SLC7A2: variants seen among roughly 807,000 people sequenced by gnomAD.
The protein encoded by SLC7A2 is solute carrier family 7 member 2, also known as cationic amino acid transporter 2.
SLC7A2 carries 48 observed loss-of-function variants against 58.9 expected under a neutral mutation model. The ratio of observed to expected loss-of-function variants is 0.82; its 90% CI spans 0.65 to 1.04. The LOEUF is 1.04. Ranked by LOEUF, SLC7A2 falls within the 50% of genes least tolerant of loss-of-function variation. The pLI, the probability that SLC7A2 is intolerant of heterozygous loss-of-function variation, is 0.00. For synonymous variants in SLC7A2, 363 were observed against 314.5 expected, an observed-to-expected ratio of 1.15 and a Z score of -1.63; for missense variants, 1,029 against 818.8, an observed-to-expected ratio of 1.26 and a Z score of -3.13.
At chr8:17,561,113 TC>T (rs1484513635) in intron 10 of SLC7A2, among the ~76,000 whole-genome samples, 1 of 152,134 alleles carries the variant, frequency 6.6e-6, no homozygotes, top group Non-Finnish European at 1.5e-5. Context: ...GACTTGATGG[TC>T]AGAGATGGGG....
At chr8:17,536,765 T>C (rs941356995) in intron 2 of SLC7A2, among the ~76,000 whole-genome samples, 4 of 152,084 alleles carry the variant, frequency 2.6e-5, no homozygotes. Context: ...AGGTAGCAGA[T>C]TGGAAGAGTT....
chr8:17,564,912 A>G (rs746729365), intron 12 of SLC7A2, 38 bp from the exon 13 acceptor site: 1 of 1,486,302 alleles, frequency 6.7e-7, no homozygotes, highest in Non-Finnish European at 9.1e-7. Context: ...TTTCTGACAT[A>G]CCTGAAACAT....
At chr8:17,495,847 G>A (rs995815884), upstream of SLC7A2, among the ~76,000 whole-genome samples, 5 of 152,050 alleles carry the variant, frequency 3.3e-5, no homozygotes, top group East Asian at 9.7e-4. Flanking sequence ...ACCACCCCCA[G>A]CCTACACTTT....
At chr8:17,521,389 G>T (rs1858714) in intron 2 of SLC7A2, among the ~76,000 whole-genome samples, 113,177 of 152,094 alleles carry the variant, frequency 0.74, 42,555 homozygotes, top group South Asian at 0.83. Flanking sequence ...TACGTCAGAT[G>T]AATTTGGCAG....
rs1024205683 is a variant in SLC7A2, at chr8:17,550,361, C to T, written c.759C>T (p.Gly253=). ...IYGAGGFMPY[G]FTGTLAGAAT... ...GGGCTGGTGGCTTTATGCCTTATGG[C>T]TTTACGGGAACGTTGGCTGGTGCTG... The change falls in exon 6 of 13, where the codon GGC becomes GGT. Residue 253 remains glycine, a synonymous_variant. Coordinates refer to ENST00000494857, the MANE Select transcript of SLC7A2 (RefSeq NM_001370338.1). 2.9e-5 allele frequency: 47 copies of T among 1,613,934 alleles called. No individual in the cohort carries two copies. Among genetic ancestry groups the T allele is most frequent in the Non-Finnish European group, 3.1e-5 (37 of 1,179,950 alleles).
chr8:17,561,710 G>T (rs77336202), intron 10 of SLC7A2, among the ~76,000 whole-genome samples: 2 of 152,168 alleles, frequency 1.3e-5, no homozygotes, highest in Non-Finnish European at 2.9e-5. Flanking sequence ...TAGGAGGGGC[G>T]GTTGGTTCTA....
At chr8:17,543,030 G>T (rs981912805) in intron 2 of SLC7A2, among the ~76,000 whole-genome samples, 8 of 152,074 alleles carry the variant, frequency 5.3e-5, no homozygotes, top group African/African-American at 1.7e-4. Flanking sequence ...ATCACCCAAG[G>T]CTGCTATATT....
intron 2 of SLC7A2, among the ~76,000 whole-genome samples, 185 bp from the exon 3 acceptor site, chr8:17,543,133 G>T (rs1274221545): frequency 6.6e-6 from 1 of 151,868 alleles, no homozygotes; most frequent in African/African-American, 2.4e-5. Context: ...CGAGGCTCTG[G>T]TTATTAAACC....
intron 2 of SLC7A2, among the ~76,000 whole-genome samples, chr8:17,506,596 CTT>C (rs1800373520): frequency 6.6e-6 from 1 of 152,150 alleles, no homozygotes; most frequent in African/African-American, 2.4e-5. Flanking sequence ...TTAGAACGCT[CTT>C]TTTATAGGTT....
At chr8:17,508,553 A>G (rs1800468381) in intron 2 of SLC7A2, among the ~76,000 whole-genome samples, 2 of 152,036 alleles carry the variant, frequency 1.3e-5, no homozygotes, top group Admixed American at 6.6e-5. Flanking sequence ...GCGAAACCAC[A>G]TCTCTACTAA....
chr8:17,532,824 A>G (rs1801513515), intron 2 of SLC7A2, among the ~76,000 whole-genome samples: 1 of 152,226 alleles, frequency 6.6e-6, no homozygotes. Flanking sequence ...TTTTAAAAAT[A>G]TATCCATATA....
chr8:17,504,415 T>A (rs1409098554), intron 2 of SLC7A2, among the ~76,000 whole-genome samples: 2 of 152,238 alleles, frequency 1.3e-5, no homozygotes, highest in African/African-American at 2.4e-5. Flanking sequence ...AAGTCTTGTA[T>A]TGCAGTGATA....
rs970666753 is a variant in SLC7A2, at chr8:17,547,471, A to G, written c.533-1207A>G. On this transcript the variant is annotated intron_variant, in intron 4 of 12. Transcript: ENST00000494857. Reference sequence around the variant, plus strand: ...CAGCCAAATCATATAATCAATATGAATAGAATATCCTAATAGAAAAAATAG... The same window carrying G: ...CAGCCAAATCATATAATCAATATGAGTAGAATATCCTAATAGAAAAAATAG... Among the ~76,000 whole-genome samples the G allele has an allele frequency of 2.6e-5, 4 of 152,188 alleles. No homozygotes were observed. The East Asian group carries it at 7.7e-4, about 29-fold the overall frequency.
rs1802383778 is a variant in SLC7A2, at chr8:17,550,281, G to A, written c.699-20G>A. On this transcript the variant is annotated intron_variant, in intron 5 of 12. Coordinates refer to ENST00000494857, the MANE Select transcript of SLC7A2 (RefSeq NM_001370338.1). Reference sequence around the variant, plus strand: ...TTTTCTGTCAAAGTGACTTTCCAATGTGTTTGTTCTCTTTCTTAGAGAGCC... The same window carrying A: ...TTTTCTGTCAAAGTGACTTTCCAATATGTTTGTTCTCTTTCTTAGAGAGCC... 6.2e-7 allele frequency: 1 copy of A among 1,611,634 alleles called. No individual in the cohort carries two copies. Among genetic ancestry groups the A allele is most frequent in the African/African-American group, 1.3e-5 (1 of 74,808 alleles).
intron 2 of SLC7A2, among the ~76,000 whole-genome samples, chr8:17,507,693 A>C (rs1010975805): frequency 6.6e-6 from 1 of 152,238 alleles, no homozygotes; most frequent in African/African-American, 2.4e-5. Context: ...AAAAGAAAAA[A>C]TACAAATGAG....
chr8:17,560,901 G>C (rs541511067), intron 10 of SLC7A2, among the ~76,000 whole-genome samples: 1 of 152,254 alleles, frequency 6.6e-6, no homozygotes, highest in South Asian at 2.1e-4. Flanking sequence ...ATCCTTGTTT[G>C]TTTACCCACA....
Position 17,504,963 on chromosome 8 carries a change from G to A in SLC7A2, c.-23+2661G>A, listed in dbSNP as rs182443058. ...TCTGCTGGCCATTCTGTTTACATTCGTGCCTCTGTGGGAAAGAAGAACTCT... is the reference window on the plus strand; with the variant it reads ...TCTGCTGGCCATTCTGTTTACATTCATGCCTCTGTGGGAAAGAAGAACTCT... On this transcript the variant is annotated intron_variant, in intron 2 of 12. Transcript: ENST00000494857. Among the ~76,000 whole-genome samples, 199 of 152,118 alleles carry A rather than the reference G, an allele frequency of 1.3e-3. 1 individual carries two copies. The highest frequency in any genetic ancestry group is 3.8e-3 in the African/African-American group (156 of 41,508).
At chr8:17,504,412 G>A (rs1170881229) in intron 2 of SLC7A2, among the ~76,000 whole-genome samples, 2 of 152,148 alleles carry the variant, frequency 1.3e-5, no homozygotes, top group Non-Finnish European at 2.9e-5. Flanking sequence ...TTAAAGTCTT[G>A]TATTGCAGTG....
chr8:17,560,231 A>C (rs1248544732), intron 9 of SLC7A2, 97 bp from the exon 10 acceptor site: 1 of 820,654 alleles, frequency 1.2e-6, no homozygotes, highest in Non-Finnish European at 2.1e-6. Flanking sequence ...ACACACTATC[A>C]CTCTGTATGA....
Sources: allele counts gnomAD v4.1 joint callset (sites outside exome capture counted in the v4.1 genomes callset), GRCh38; gene constraint gnomAD v4.1.1; transcripts MANE v1.5; gene names NCBI Gene and HGNC (gene_info 2026-07-23, HGNC 2026-07-21).